LY96: variants seen among roughly 807,000 people sequenced by gnomAD.
LY96 encodes myeloid differentiation protein-2.
LY96 carries 18 observed loss-of-function variants against 18.9 expected under a neutral mutation model. The observed-to-expected ratio is 0.95, with a 90% CI of 0.66 to 1.41. The LOEUF is 1.41. Among genes scored for constraint, LY96 ranks in the 40% most tolerant of loss-of-function variants. LY96 has a pLI of 0.00. For synonymous variants in LY96, 66 were observed against 62.6 expected, an observed-to-expected ratio of 1.06 and a Z score of -0.26; for missense variants, 175 against 182.4, an observed-to-expected ratio of 0.96 and a Z score of 0.23.
rs1563707890 is a variant in LY96 at position 73,996,377 on chromosome 8, CTTT to C, written c.112+4824_112+4826del. Among the ~76,000 whole-genome samples the C allele has an allele frequency of 6.9e-3, 208 of 30,070 alleles. 1 individual carries two copies. Among genetic ancestry groups the C allele is most frequent in the Middle Eastern group, 0.017 (1 of 58 alleles). The allele number at this position is 30,070 out of a possible 152,430, so 19.7% of individuals were successfully genotyped here. A position where few individuals can be genotyped will look rare whatever the true frequency, so the allele number is the denominator to read the frequency against. On this transcript the variant is annotated intron_variant, in intron 1 of 4. Coordinates refer to ENST00000284818, the MANE Select transcript of LY96 (RefSeq NM_015364.5). Reference sequence around the variant, plus strand: ...CCTTCCTTCCTTCCTTCATTCCTTTCTTTCTTTCTTTCTTTCTTTCTTTCTTTC... The same window carrying C: ...CCTTCCTTCCTTCCTTCATTCCTTTCCTTTCTTTCTTTCTTTCTTTCTTTC...
the LY96 span, among the ~76,000 whole-genome samples, chr8:74,067,891 A>G: frequency 1.3e-5 from 2 of 151,166 alleles, no homozygotes; most frequent in Non-Finnish European, 2.9e-5. Context: ...TAAAACCACG[A>G]CTCTATTAAA....
chr8:74,085,309 A>G, the LY96 span, among the ~76,000 whole-genome samples: 2 of 152,328 alleles, frequency 1.3e-5, no homozygotes, highest in East Asian at 1.9e-4. Context: ...AAAGCCAGAC[A>G]TCTTATTCTG....
At chr8:74,076,078 C>T in the LY96 span, among the ~76,000 whole-genome samples, 7 of 152,040 alleles carry the variant, frequency 4.6e-5, no homozygotes, top group Non-Finnish European at 7.4e-5. Context: ...CTTTCTCGGT[C>T]GCTGAATGTG....
In LY96 at chr8:74,029,074, A is replaced by G; in HGVS notation, c.*20A>G. On this transcript the variant is annotated 3_prime_UTR_variant, in exon 5 of 5. Transcript: ENST00000284818. ...AATTAGAATAAATTGAGTATTTAAAAAAAAATTTAAAGGTATTGTTCCTGT... is the reference window on the plus strand; with the variant it reads ...AATTAGAATAAATTGAGTATTTAAAGAAAAATTTAAAGGTATTGTTCCTGT... The G allele has an allele frequency of 6.9e-7, 1 of 1,452,088 alleles. No homozygotes were observed. The highest frequency in any genetic ancestry group is 1.2e-5 in the South Asian group (1 of 86,840). 90.0% of individuals were successfully genotyped at this position (1,452,088 alleles called of 1,614,324 possible).
chr8:74,065,700 A>G, the LY96 span, among the ~76,000 whole-genome samples: 2 of 152,250 alleles, frequency 1.3e-5, no homozygotes, highest in Non-Finnish European at 2.9e-5. Flanking sequence ...CCATTAGGAC[A>G]ACTGAGATGA....
At chr8:74,040,920 T>C in the LY96 span, among the ~76,000 whole-genome samples, 1 of 152,098 alleles carries the variant, frequency 6.6e-6, no homozygotes, top group Non-Finnish European at 1.5e-5. Flanking sequence ...GCCAGGATGG[T>C]CTTGATCTCC....
Position 74,004,839 on chromosome 8 carries a change from A to G in LY96, c.156A>G (p.Ile52Met). Residue 52 changes from isoleucine (I) to methionine (M), a missense_variant, in exon 2 of 5, where the codon ATA becomes ATG. Physicochemically the swap from Ile to Met is conservative, Grantham distance 10 (BLOSUM62 1). Coordinates refer to ENST00000284818, the MANE Select transcript of LY96 (RefSeq NM_015364.5). ...TTTCAATTAATGTTAACCCCTGTATAGAATTGAAAAGATCCAAAGGATTAT... is the reference window on the plus strand; with the variant it reads ...TTTCAATTAATGTTAACCCCTGTATGGAATTGAAAAGATCCAAAGGATTAT... ...YPISINVNPC[I>M]ELKRSKGLLH... 6.3e-7 allele frequency: 1 copy of G among 1,590,106 alleles called. No homozygotes were observed. The highest frequency in any genetic ancestry group is 8.6e-7 in the Non-Finnish European group (1 of 1,160,430).
At position 74,029,020 on chromosome 8, in the gene LY96, A is replaced by G; in HGVS notation, c.449A>G (p.Glu150Gly). ...CCAGAAGAAATGCTCTTTTGCTTGG[A>G]GTTTGTCATCCTACACCAACCTAAT... is the stretch of plus-strand genomic sequence containing the variant. The part of the protein sequence containing the change: ...GSPEEMLFCL[E>G]FVILHQPNSN The change falls in exon 5 of 5, where the codon GAG becomes GGG. Residue 150 changes from glutamate (E) to glycine (G), a missense_variant. By Grantham distance (98) the Glu-to-Gly change is moderately conservative. Transcript: ENST00000284818. The G allele has an allele frequency of 6.2e-7, 1 of 1,611,702 alleles. No homozygotes were observed. The highest frequency in any genetic ancestry group is 8.5e-7 in the Non-Finnish European group (1 of 1,178,424).
rs577145304 is a variant in LY96 at position 74,019,611 on chromosome 8, CA to C, written c.332-7176del. On this transcript the variant is annotated intron_variant, in intron 3 of 4. Transcript: ENST00000284818. ...CTGATACCAAAGCCTGGCAGAGACA[CA>C]ACAAAAAAAGAGAATTTTAGACCAA... is the stretch of plus-strand genomic sequence containing the variant. Among the ~76,000 whole-genome samples, 14 of 152,084 alleles carry C rather than the reference CA, an allele frequency of 9.2e-5. No homozygotes were observed. In the South Asian group the frequency reaches 2.9e-3, roughly 32 times the overall value.
the LY96 span, among the ~76,000 whole-genome samples, chr8:74,089,722 G>A: frequency 2.0e-4 from 27 of 134,710 alleles, no homozygotes; most frequent in African/African-American, 7.4e-4. Context: ...ATAGTAGGTC[G>A]GATAGTGATA....
At chr8:74,066,925 A>C in the LY96 span, among the ~76,000 whole-genome samples, 1 of 152,264 alleles carries the variant, frequency 6.6e-6, no homozygotes, top group Non-Finnish European at 1.5e-5. Flanking sequence ...AAAAGAGAGA[A>C]GTACAAGTAA....
At chr8:74,075,337 CAT>C in the LY96 span, among the ~76,000 whole-genome samples, 1 of 152,220 alleles carries the variant, frequency 6.6e-6, no homozygotes, top group Non-Finnish European at 1.5e-5. Flanking sequence ...GTGGCACAAT[CAT>C]AGCTCACTGC....
chr8:74,006,042 A>T (rs1816402917), intron 2 of LY96, among the ~76,000 whole-genome samples: 1 of 152,230 alleles, frequency 6.6e-6, no homozygotes, highest in Non-Finnish European at 1.5e-5. Flanking sequence ...AATGATAGAC[A>T]ACAAACTTGT....
At chr8:74,019,915 G>C (rs57799004) in intron 3 of LY96, among the ~76,000 whole-genome samples, 2 of 152,096 alleles carry the variant, frequency 1.3e-5, no homozygotes, top group East Asian at 1.9e-4. Context: ...TTGATGGAAC[G>C]TATCTCAAAA....
At chr8:73,996,377 C>CTTTCTTTCTTTCTTTCT (rs1816139015) in intron 1 of LY96, among the ~76,000 whole-genome samples, 19 of 30,222 alleles carry the variant, frequency 6.3e-4, no homozygotes, top group Non-Finnish European at 5.1e-4. Context: ...TCATTCCTTT[C>CTTTCTTTCTTTCTTTCT]TTTCTTTCTT....
At chr8:74,026,687 G>A in intron 3 of LY96, 102 bp from the exon 4 acceptor site, 2 of 706,622 alleles carry the variant, frequency 2.8e-6, no homozygotes, top group East Asian at 2.7e-5. Context: ...GTTTTGCTTG[G>A]GACTGCGTCT....
chr8:74,048,051 G>A, the LY96 span, among the ~76,000 whole-genome samples: 47,200 of 151,852 alleles, frequency 0.31, 9,553 homozygotes, highest in African/African-American at 0.58. Context: ...GGTACACACC[G>A]CCACACAGCT....
Position 74,029,027 on chromosome 8 carries a change from C to T in LY96, c.456C>T (p.Val152=), listed in dbSNP as rs765923061. 3.7e-6 allele frequency: 6 copies of T among 1,607,948 alleles called. No individual in the cohort carries two copies. In the Admixed American group the frequency reaches 6.7e-5, roughly 18 times the overall value. ...AAATGCTCTTTTGCTTGGAGTTTGT[C>T]ATCCTACACCAACCTAATTCAAATT... ...PEEMLFCLEF[V]ILHQPNSN The change falls in exon 5 of 5, where the codon GTC becomes GTT. Residue 152 remains valine (V), a synonymous_variant. Coordinates refer to ENST00000284818, the MANE Select transcript of LY96 (RefSeq NM_015364.5).
At chr8:74,070,717 T>A in the LY96 span, among the ~76,000 whole-genome samples, 1 of 152,018 alleles carries the variant, frequency 6.6e-6, no homozygotes, top group Non-Finnish European at 1.5e-5. Context: ...GAATCAGTTC[T>A]CCAATGAGCC....
Sources: gnomAD v4.1 joint callset for allele counts (sites outside exome capture counted in the v4.1 genomes callset) on GRCh38, gnomAD v4.1.1 for gene constraint, MANE v1.5 for transcripts, NCBI Gene and HGNC (gene_info 2026-07-23, HGNC 2026-07-21) for gene names.